The following AUTS2 variants were observed in gnomAD, a reference collection of about 807,000 sequenced individuals.
The protein encoded by AUTS2 is autism susceptibility gene 2 protein.
Under a neutral mutation model 112.4 loss-of-function variants are expected in AUTS2, and 17 were observed. That is an observed-to-expected ratio of 0.15 (90% CI 0.10 to 0.23). The LOEUF (loss-of-function observed/expected upper bound fraction) is 0.23, where lower values mean the gene tolerates loss of function less well. AUTS2 is among the 10% of genes least tolerant of loss of function. AUTS2 has a pLI of 1.00. For missense variants in AUTS2, 1,510 were observed against 1,701.6 expected, an observed-to-expected ratio of 0.89 and a Z score of 1.98; for synonymous variants, 751 against 702.7, an observed-to-expected ratio of 1.07 and a Z score of -1.09.
At chr7:69,890,810 A>T (rs1794486853) in intron 1 of AUTS2, among the ~76,000 whole-genome samples, 1 of 152,184 alleles carries the variant, frequency 6.6e-6, no homozygotes, top group South Asian at 2.1e-4. Context: ...TGGAAATTTC[A>T]TGGCTACTTT....
intron 4 of AUTS2, among the ~76,000 whole-genome samples, chr7:70,367,156 T>G (rs117928826): frequency 0.023 from 3,564 of 152,186 alleles, 63 homozygotes; most frequent in Middle Eastern, 0.092. Flanking sequence ...TGTGGTCTAC[T>G]CAGGGGCTGA....
chr7:69,767,764 T>C (rs1788491726), intron 1 of AUTS2, among the ~76,000 whole-genome samples: 1 of 152,218 alleles, frequency 6.6e-6, no homozygotes, highest in Admixed American at 6.5e-5. Context: ...TGGTAAGCTG[T>C]CTAGTAAGGT....
At chr7:70,188,017 A>G (rs1398310635) in intron 4 of AUTS2, among the ~76,000 whole-genome samples, 3 of 152,216 alleles carry the variant, frequency 2.0e-5, no homozygotes, top group Non-Finnish European at 2.9e-5. Context: ...AGGTTTTTAT[A>G]AACAAATCAT....
chr7:69,950,147 C>T (rs923595498), intron 2 of AUTS2, among the ~76,000 whole-genome samples: 2 of 151,918 alleles, frequency 1.3e-5, no homozygotes, highest in African/African-American at 4.8e-5. Flanking sequence ...AGTTATATTG[C>T]CATACTGGAC....
chr7:69,794,996 T>C (rs1300858591), intron 1 of AUTS2, among the ~76,000 whole-genome samples: 1 of 152,200 alleles, frequency 6.6e-6, no homozygotes, highest in Admixed American at 6.5e-5. Flanking sequence ...GCCGATCTTC[T>C]TGAGTTCCAA....
intron 2 of AUTS2, among the ~76,000 whole-genome samples, chr7:70,005,567 G>T (rs1563032991): frequency 6.6e-6 from 1 of 152,118 alleles, no homozygotes; most frequent in East Asian, 1.9e-4. Flanking sequence ...GTTATAACAG[G>T]CATGTGCTGT....
chr7:70,446,682 G>A (rs533610019), intron 5 of AUTS2, among the ~76,000 whole-genome samples: 12 of 152,244 alleles, frequency 7.9e-5, no homozygotes, highest in African/African-American at 2.6e-4. Flanking sequence ...TGACATGACC[G>A]CACTACAGAG....
chr7:70,068,230 T>A (rs549419134), intron 2 of AUTS2, among the ~76,000 whole-genome samples: 1 of 149,456 alleles, frequency 6.7e-6, no homozygotes, highest in Non-Finnish European at 1.5e-5. Context: ...CAGGCTGGAG[T>A]GCAGTGGCGC....
chr7:69,729,008 A>G (rs540433219), intron 1 of AUTS2, among the ~76,000 whole-genome samples: 146 of 152,258 alleles, frequency 9.6e-4, no homozygotes, highest in African/African-American at 3.4e-3. Context: ...GCAAGTATCT[A>G]TGATACATTT....
intron 2 of AUTS2, among the ~76,000 whole-genome samples, chr7:70,046,842 T>A (rs1415733266): frequency 6.6e-6 from 1 of 152,218 alleles, no homozygotes; most frequent in Non-Finnish European, 1.5e-5. Flanking sequence ...CTTAATCTTG[T>A]GTCCAAGAGT....
intron 1 of AUTS2, among the ~76,000 whole-genome samples, chr7:69,748,248 G>C (rs57622918): frequency 6.6e-6 from 1 of 152,112 alleles, no homozygotes; most frequent in African/African-American, 2.4e-5. Context: ...CCTAGATAAG[G>C]CATCTGTACA....
At chr7:69,815,177 G>A (rs1357702330) in intron 1 of AUTS2, among the ~76,000 whole-genome samples, 6 of 152,226 alleles carry the variant, frequency 3.9e-5, no homozygotes, top group African/African-American at 1.2e-4. Context: ...GCTGATGTGC[G>A]TTGCTCCATA....
At chr7:69,911,813 A>G (rs1327672261) in intron 2 of AUTS2, among the ~76,000 whole-genome samples, 1 of 152,058 alleles carries the variant, frequency 6.6e-6, no homozygotes, top group Non-Finnish European at 1.5e-5. Flanking sequence ...GATTGGCCAA[A>G]TGGTCATCAA....
At chr7:69,751,181 CT>C (rs1787722259) in intron 1 of AUTS2, among the ~76,000 whole-genome samples, 1 of 152,114 alleles carries the variant, frequency 6.6e-6, no homozygotes, top group Non-Finnish European at 1.5e-5. Context: ...TTCCCTGAGC[CT>C]TTCATAAATT....
intron 1 of AUTS2, among the ~76,000 whole-genome samples, chr7:69,658,324 A>T (rs1452217557): frequency 6.6e-6 from 1 of 152,250 alleles, no homozygotes; most frequent in Non-Finnish European, 1.5e-5. Flanking sequence ...AATTATTTCA[A>T]ATATAAATCT....
intron 1 of AUTS2, among the ~76,000 whole-genome samples, chr7:69,624,715 G>A (rs1010598627): frequency 1.4e-4 from 22 of 152,080 alleles, no homozygotes; most frequent in Non-Finnish European, 5.9e-5. Context: ...CTTAGTGATC[G>A]CCACTATCAA....
At chr7:70,591,311 G>A (rs923452138) in intron 5 of AUTS2, among the ~76,000 whole-genome samples, 3 of 151,714 alleles carry the variant, frequency 2.0e-5, no homozygotes, top group Non-Finnish European at 3.0e-5. Flanking sequence ...CTTTGCTGGA[G>A]GAAAGTTCCA....
rs1224568158 is a variant in AUTS2 at position 70,466,327 on chromosome 7, C to A, written c.690+30546C>A. 4.6e-5 allele frequency among the ~76,000 whole-genome samples: 7 copies of A among 152,202 alleles called. No homozygotes were observed. The East Asian group carries it at 1.3e-3, about 29-fold the overall frequency. ...ATGTAGTGATTATATCCTTGCCTCT[C>A]AATCTAAGAATACTCAGAACATTGT... On this transcript the variant is annotated intron_variant, in intron 5 of 18. Coordinates refer to ENST00000342771, the MANE Select transcript of AUTS2 (RefSeq NM_015570.4).
intron 5 of AUTS2, among the ~76,000 whole-genome samples, chr7:70,563,475 T>A (rs1028898083): frequency 6.6e-6 from 1 of 152,220 alleles, no homozygotes; most frequent in Non-Finnish European, 1.5e-5. Context: ...AAAACGATGT[T>A]AATAGATGTC....
Sources: allele counts gnomAD v4.1 joint callset (sites outside exome capture counted in the v4.1 genomes callset), GRCh38; gene constraint gnomAD v4.1.1; transcripts MANE v1.5; gene names NCBI Gene and HGNC (gene_info 2026-07-23, HGNC 2026-07-21).